Variants in ST8SIA6 observed in about 807,000 individuals in gnomAD.
The protein encoded by ST8SIA6 is ST8 alpha-N-acetyl-neuraminide alpha-2,8-sialyltransferase 6, also known as alpha-2,8-sialyltransferase 8F.
Under a neutral mutation model 33.6 loss-of-function variants are expected in ST8SIA6, and 39 were observed. The ratio of observed to expected loss-of-function variants is 1.16; its 90% CI spans 0.90 to 1.52. The LOEUF (loss-of-function observed/expected upper bound fraction) is 1.52. Among genes scored for constraint, ST8SIA6 ranks in the 40% most tolerant of loss-of-function variants. ST8SIA6 has a pLI of 0.00. For synonymous variants in ST8SIA6, 172 were observed against 167.2 expected (o/e 1.03, Z -0.22); for missense variants, 441 against 443.8 (o/e 0.99, Z 0.06).
At chr10:17,321,420 G>A in intron 7 of ST8SIA6, 74 bp from the exon 8 acceptor site, 1 of 1,221,692 alleles carries the variant, frequency 8.2e-7, no homozygotes, top group Admixed American at 2.7e-5. Context: ...ACATAAAGCT[G>A]AATTTACCAT....
intron 3 of ST8SIA6, among the ~76,000 whole-genome samples, chr10:17,365,783 C>T (rs1422511628): frequency 6.6e-6 from 1 of 152,148 alleles, no homozygotes; most frequent in African/African-American, 2.4e-5. Flanking sequence ...CTTGGAGATA[C>T]TGATTTACTA....
chr10:17,333,710 T>C lies in ST8SIA6; in HGVS notation c.378-2158A>G, dbSNP rs1376123040. On this transcript the variant is annotated intron_variant, in intron 4 of 7. Transcript: ENST00000377602. Reference sequence around the variant, plus strand: ...ATATATATATATATATATATATATATATATATATTTTTTTTTTTTTTTTTT... The same window carrying C: ...ATATATATATATATATATATATATACATATATATTTTTTTTTTTTTTTTTT... Among the ~76,000 whole-genome samples the C allele has an allele frequency of 3.8e-3, 135 of 35,088 alleles. 2 individuals carry two copies. Among genetic ancestry groups the C allele is most frequent in the South Asian group, 9.4e-3 (12 of 1,280 alleles). 23.0% of individuals were successfully genotyped at this position (35,088 alleles called of 152,430 possible).
Position 17,335,356 on chromosome 10 carries a change from A to G in ST8SIA6, c.378-3804T>C, listed in dbSNP as rs950830744. On this transcript the variant is annotated intron_variant, in intron 4 of 7. Transcript: ENST00000377602. Reference sequence around the variant, plus strand: ...ATTATTGGTTTAGTCCTGAAAAGTAAGCTTCCAAACATGTTTCTACTGAAT... The same window carrying G: ...ATTATTGGTTTAGTCCTGAAAAGTAGGCTTCCAAACATGTTTCTACTGAAT... Among the ~76,000 whole-genome samples the G allele has an allele frequency of 8.5e-5, 13 of 152,322 alleles. No homozygotes were observed. The East Asian group carries it at 2.5e-3, about 29-fold the overall frequency.
At position 17,403,922 on chromosome 10, in the gene ST8SIA6, A is replaced by T. The variant is rs143235763; in HGVS notation, c.201-13302T>A. On this transcript the variant is annotated intron_variant, in intron 2 of 7. Coordinates refer to ENST00000377602, the MANE Select transcript of ST8SIA6 (RefSeq NM_001004470.3). ...ACTGAAATTACAAAAAAAATTACCC[A>T]GGTGTGGTGGTGCATGCCTTTAATC... 7.8e-3 allele frequency among the ~76,000 whole-genome samples: 1,190 copies of T among 151,918 alleles called. 8 individuals carry two copies. Among genetic ancestry groups the T allele is most frequent in the African/African-American group, 0.027 (1,131 of 41,396 alleles).
Position 17,338,096 on chromosome 10 carries a change from G to A in ST8SIA6, c.378-6544C>T, listed in dbSNP as rs185800997. ...CCCTCCCAGGCTGGAGTGCAATGGCGCGATCTCAGCTCACCACAACCTCCA... is the reference window on the plus strand; with the variant it reads ...CCCTCCCAGGCTGGAGTGCAATGGCACGATCTCAGCTCACCACAACCTCCA... On this transcript the variant is annotated intron_variant, in intron 4 of 7. Transcript: ENST00000377602. Among the ~76,000 whole-genome samples, 422 of 147,782 alleles carry A rather than the reference G, an allele frequency of 2.9e-3. 10 individuals carry two copies. Among genetic ancestry groups the A allele is most frequent in the Admixed American group, 0.026 (378 of 14,554 alleles).
intron 3 of ST8SIA6, among the ~76,000 whole-genome samples, chr10:17,364,145 A>G (rs10508527): frequency 0.2 from 31,042 of 152,108 alleles, 3,510 homozygotes; most frequent in East Asian, 0.51. Context: ...CTGTATATTG[A>G]GCTTAGTCTG....
intron 2 of ST8SIA6, among the ~76,000 whole-genome samples, chr10:17,429,330 G>A (rs1256063558): frequency 6.6e-6 from 1 of 151,620 alleles, no homozygotes; most frequent in African/African-American, 2.4e-5. Context: ...TTCTGTTTTC[G>A]AGGCAGGGTG....
intron 4 of ST8SIA6, among the ~76,000 whole-genome samples, chr10:17,354,449 C>A (rs1008054391): frequency 1.3e-5 from 2 of 152,094 alleles, no homozygotes; most frequent in African/African-American, 4.8e-5. Flanking sequence ...ATCAATCAAG[C>A]TTTTAAAAGC....
intron 2 of ST8SIA6, among the ~76,000 whole-genome samples, chr10:17,420,586 G>C (rs1395194955): frequency 1.3e-5 from 2 of 152,142 alleles, no homozygotes; most frequent in South Asian, 4.1e-4. Context: ...GGCACCATGA[G>C]ATAGTTGATA....
chr10:17,333,700 T>TAG (rs1252727512), intron 4 of ST8SIA6, among the ~76,000 whole-genome samples: 2 of 27,274 alleles, frequency 7.3e-5, no homozygotes, highest in African/African-American at 1.7e-4. Context: ...TATATATATA[T>TAG]ATATATATAT....
chr10:17,404,557 A>G (rs973481522), intron 2 of ST8SIA6, among the ~76,000 whole-genome samples: 3 of 152,178 alleles, frequency 2.0e-5, no homozygotes, highest in Non-Finnish European at 2.9e-5. Context: ...AGAATCCCCT[A>G]TGCTTAATAT....
intron 2 of ST8SIA6, among the ~76,000 whole-genome samples, chr10:17,423,772 C>T (rs1851851416): frequency 6.6e-6 from 1 of 152,152 alleles, no homozygotes; most frequent in African/African-American, 2.4e-5. Context: ...CTGATGGGCC[C>T]CAAAATACAT....
chr10:17,350,806 C>G (rs1213727297), intron 4 of ST8SIA6, among the ~76,000 whole-genome samples: 1 of 152,112 alleles, frequency 6.6e-6, no homozygotes, highest in Non-Finnish European at 1.5e-5. Flanking sequence ...AGGTAAGATA[C>G]GGCCATTGAT....
intron 2 of ST8SIA6, among the ~76,000 whole-genome samples, chr10:17,428,002 A>G (rs1851989994): frequency 6.6e-6 from 1 of 152,242 alleles, no homozygotes; most frequent in Admixed American, 6.5e-5. Context: ...ATTTGTATGA[A>G]GAAAAAGAAA....
At chr10:17,442,161 T>C (rs7917628) in intron 2 of ST8SIA6, among the ~76,000 whole-genome samples, 50,493 of 152,180 alleles carry the variant, frequency 0.33, 11,482 homozygotes, top group African/African-American at 0.65. Context: ...GCCACTGCAC[T>C]CGGCCAAAAC....
chr10:17,385,812 G>A (rs527631074), intron 3 of ST8SIA6, among the ~76,000 whole-genome samples: 1 of 152,244 alleles, frequency 6.6e-6, no homozygotes, highest in South Asian at 2.1e-4. Flanking sequence ...CTACTTAGGG[G>A]AAATGTTGTC....
At chr10:17,439,219 C>T (rs1852383034) in intron 2 of ST8SIA6, among the ~76,000 whole-genome samples, 1 of 151,716 alleles carries the variant, frequency 6.6e-6, no homozygotes, top group African/African-American at 2.4e-5. Flanking sequence ...ACACATCTCA[C>T]TACATGTGAT....
intron 2 of ST8SIA6, among the ~76,000 whole-genome samples, chr10:17,448,877 C>A (rs1444742585): frequency 6.6e-6 from 1 of 150,620 alleles, no homozygotes; most frequent in East Asian, 1.9e-4. Flanking sequence ...ATCTCGGCCT[C>A]CAAAAGTGCT....
chr10:17,411,711 T>C (rs943069039), intron 2 of ST8SIA6, among the ~76,000 whole-genome samples: 1 of 152,200 alleles, frequency 6.6e-6, no homozygotes, highest in Admixed American at 6.5e-5. Flanking sequence ...CAAGACCTCT[T>C]TTCCAAGACA....
Sources: gnomAD v4.1 joint callset for allele counts (sites outside exome capture counted in the v4.1 genomes callset) on GRCh38, gnomAD v4.1.1 for gene constraint, MANE v1.5 for transcripts, NCBI Gene and HGNC (gene_info 2026-07-23, HGNC 2026-07-21) for gene names.